The following TSHZ2 variants were observed in gnomAD, a reference collection of about 807,000 sequenced individuals.
TSHZ2 encodes teashirt homolog 2.
Under a neutral mutation model 74.4 loss-of-function variants are expected in TSHZ2, and 21 were observed. The observed-to-expected ratio is 0.28, with a 90% CI of 0.20 to 0.41. The LOEUF (loss-of-function observed/expected upper bound fraction) is 0.41, where lower values mean the gene tolerates loss of function less well. TSHZ2 is among the 10% of genes least tolerant of loss of function. The probability of loss-of-function intolerance (pLI) is 1.00; values close to 1 mark genes in which losing one functional copy is unlikely to be tolerated. For missense variants in TSHZ2, 1,244 were observed against 1,293.5 expected, an observed-to-expected ratio of 0.96 and a Z score of 0.59; for synonymous variants, 540 against 515.3, an observed-to-expected ratio of 1.05 and a Z score of -0.65.
chr20:53,124,282 T>A (rs954409410), intron 1 of TSHZ2, among the ~76,000 whole-genome samples: 9 of 152,226 alleles, frequency 5.9e-5, no homozygotes, highest in Non-Finnish European at 1.3e-4. Flanking sequence ...CCTGCATGTC[T>A]GCAATCAGGC....
intron 2 of TSHZ2, among the ~76,000 whole-genome samples, chr20:53,311,121 G>A (rs1978766499): frequency 6.6e-6 from 1 of 152,222 alleles, no homozygotes; most frequent in Admixed American, 6.5e-5. Flanking sequence ...GCACAGAGCA[G>A]AATTGCATCT....
At chr20:53,078,257 G>A (rs538078513) in intron 1 of TSHZ2, among the ~76,000 whole-genome samples, 2 of 152,268 alleles carry the variant, frequency 1.3e-5, no homozygotes, top group South Asian at 4.1e-4. Flanking sequence ...TCAGAATAGA[G>A]AAAATAATGT....
At chr20:53,346,398 C>A (rs572059902) in intron 2 of TSHZ2, among the ~76,000 whole-genome samples, 82 of 152,332 alleles carry the variant, frequency 5.4e-4, no homozygotes, top group African/African-American at 1.9e-3. Flanking sequence ...TCGAAGCCAG[C>A]ACGCTCTGAA....
intron 1 of TSHZ2, chr20:53,206,749 A>G (rs1425887996): frequency 6.6e-6 from 1 of 152,170 alleles, no homozygotes; most frequent in African/African-American, 2.4e-5. Context: ...TCTCTAGGAA[A>G]TCTCTTCCAC....
At chr20:53,103,330 A>G (rs1227097543) in intron 1 of TSHZ2, among the ~76,000 whole-genome samples, 1 of 152,216 alleles carries the variant, frequency 6.6e-6, no homozygotes, top group Non-Finnish European at 1.5e-5. Flanking sequence ...GCAGACAGCA[A>G]AGTCCCCAGG....
chr20:53,031,241 AG>A (rs1240578228), intron 1 of TSHZ2, among the ~76,000 whole-genome samples: 3 of 152,230 alleles, frequency 2.0e-5, no homozygotes, highest in African/African-American at 4.8e-5. Context: ...CAAGCTTTGA[AG>A]GTGCTATCGC....
Position 53,469,814 on chromosome 20 carries a change from AAGAT to A in TSHZ2, c.*9-17326_*9-17323del, listed in dbSNP as rs1454692990. On this transcript the variant is annotated intron_variant, in intron 2 of 2. Coordinates refer to ENST00000371497, the MANE Select transcript of TSHZ2 (RefSeq NM_173485.6). ...GAAGGAAGGAAGGAAGGACCCAACA[AAGAT>A]AGAGAAAGAGAGAGGGAGGAAGGGA... Among the ~76,000 whole-genome samples the A allele has an allele frequency of 9.9e-5, 14 of 141,130 alleles. 1 individual carries two copies. The highest frequency in any genetic ancestry group is 2.7e-4 in the African/African-American group (10 of 37,702). The allele number at this position is 141,130 out of a possible 152,430, so 92.6% of individuals were successfully genotyped here. A position where few individuals can be genotyped will look rare whatever the true frequency, so the allele number is the denominator to read the frequency against.
intron 1 of TSHZ2, among the ~76,000 whole-genome samples, chr20:53,239,948 C>G (rs1449525904): frequency 2.6e-5 from 4 of 152,040 alleles, no homozygotes; most frequent in African/African-American, 9.7e-5. Context: ...TATTATGAAG[C>G]TCTCAGTTGC....
chr20:53,190,086 AATATATATATATATATATATATATAT>A lies in TSHZ2; in HGVS notation c.41-63386_41-63361del, dbSNP rs544193424. Among the ~76,000 whole-genome samples, 128 of 25,106 alleles carry A rather than the reference AATATATATATATATATATATATATAT, an allele frequency of 5.1e-3. 6 individuals carry two copies. The highest frequency in any genetic ancestry group is 0.012 in the South Asian group (8 of 686). 16.5% of individuals were successfully genotyped at this position (25,106 alleles called of 152,430 possible). A position where few individuals can be genotyped will look rare whatever the true frequency, so the allele number is the denominator to read the frequency against. ...GGTGACCAAACAAGACCCTGTCTCA[AATATATATATATATATATATATATAT>A]ATATATATATATATATATATATATA... On this transcript the variant is annotated intron_variant, in intron 1 of 2. Transcript: ENST00000371497.
chr20:52,981,026 G>A (rs906948922), intron 1 of TSHZ2, among the ~76,000 whole-genome samples: 2 of 152,136 alleles, frequency 1.3e-5, no homozygotes, highest in East Asian at 3.8e-4. Flanking sequence ...GGTGCCATTT[G>A]GTACAGAAGA....
chr20:53,438,022 C>G (rs1389108885), intron 2 of TSHZ2, among the ~76,000 whole-genome samples: 1 of 152,134 alleles, frequency 6.6e-6, no homozygotes, highest in African/African-American at 2.4e-5. Flanking sequence ...TCTCGGGTAT[C>G]CCCTTATAGC....
At chr20:53,267,176 T>C (rs746569710) in intron 2 of TSHZ2, among the ~76,000 whole-genome samples, 51 of 152,160 alleles carry the variant, frequency 3.4e-4, no homozygotes, top group Non-Finnish European at 6.8e-4. Flanking sequence ...AGCAGAGGCT[T>C]TGACCTGGCA....
At chr20:53,378,397 C>G (rs1164972050) in intron 2 of TSHZ2, among the ~76,000 whole-genome samples, 1 of 150,372 alleles carries the variant, frequency 6.7e-6, no homozygotes, top group East Asian at 2.0e-4. Context: ...TAATGCAGAG[C>G]ACAAGCTAAA....
chr20:53,051,773 G>A (rs548447190), intron 1 of TSHZ2, among the ~76,000 whole-genome samples: 1 of 152,260 alleles, frequency 6.6e-6, no homozygotes, highest in African/African-American at 2.4e-5. Flanking sequence ...TCTCACACGA[G>A]TCTCCGTTTA....
intron 2 of TSHZ2, among the ~76,000 whole-genome samples, chr20:53,382,970 C>T: frequency 6.6e-6 from 1 of 152,202 alleles, no homozygotes; most frequent in Non-Finnish European, 1.5e-5. Context: ...ATCTGTGAAA[C>T]TACTTTCTCA....
At position 53,050,101 on chromosome 20, in the gene TSHZ2, G is replaced by GTATATA. The variant is rs1213487235; in HGVS notation, c.40+76769_40+76770insATATAT. 1.2e-3 allele frequency among the ~76,000 whole-genome samples: 70 copies of GTATATA among 60,450 alleles called. 2 individuals are homozygous for GTATATA. The highest frequency in any genetic ancestry group is 9.5e-3 in the African/African-American group (65 of 6,850). 39.7% of individuals were successfully genotyped at this position (60,450 alleles called of 152,430 possible). A position where few individuals can be genotyped will look rare whatever the true frequency, so the allele number is the denominator to read the frequency against. On this transcript the variant is annotated intron_variant, in intron 1 of 2. Transcript: ENST00000371497. ...ATCTCAAAAAAAAAAATGTATATGT[G>GTATATA]TGTATATATATATATATATATATAC...
At chr20:53,420,484 C>T (rs1210837477) in intron 2 of TSHZ2, among the ~76,000 whole-genome samples, 2 of 152,188 alleles carry the variant, frequency 1.3e-5, no homozygotes, top group Non-Finnish European at 2.9e-5. Flanking sequence ...AATCCCAGCA[C>T]ATGAGGCCAA....
At chr20:53,244,806 G>C (rs543888250) in intron 1 of TSHZ2, among the ~76,000 whole-genome samples, 10 of 152,300 alleles carry the variant, frequency 6.6e-5, no homozygotes, top group African/African-American at 2.4e-4. Context: ...TTTGATGTTT[G>C]TACATCACTT....
chr20:53,218,959 A>G (rs1199887185), intron 1 of TSHZ2, among the ~76,000 whole-genome samples: 3 of 152,198 alleles, frequency 2.0e-5, no homozygotes, highest in African/African-American at 7.2e-5. Flanking sequence ...TACAGACTTA[A>G]TCAGTGCAGT....
Sources: allele counts gnomAD v4.1 joint callset (sites outside exome capture counted in the v4.1 genomes callset), GRCh38; gene constraint gnomAD v4.1.1; transcripts MANE v1.5; gene names NCBI Gene and HGNC (gene_info 2026-07-23, HGNC 2026-07-21).